The following RGS6 variants were observed in gnomAD, a reference collection of about 807,000 sequenced individuals.
The protein encoded by RGS6 is regulator of G protein signaling 6, also known as regulator of G-protein signaling 6.
In RGS6, 30 loss-of-function variants were observed where a neutral mutation model predicts 78.5. That is an observed-to-expected ratio of 0.38 (90% confidence interval 0.29 to 0.52). The LOEUF (loss-of-function observed/expected upper bound fraction) is 0.52. RGS6 is among the 20% of genes least tolerant of loss of function. The probability of loss-of-function intolerance (pLI) is 0.85; values close to 1 mark genes in which losing one functional copy is unlikely to be tolerated. For missense variants in RGS6, 495 were observed against 609.7 expected (o/e 0.81, Z 1.98); for synonymous variants, 206 against 206.0 (o/e 1.00, Z 0.00).
chr14:72,005,628 A>T (rs996955652), intron 2 of RGS6, among the ~76,000 whole-genome samples: 1 of 152,128 alleles, frequency 6.6e-6, no homozygotes, highest in Non-Finnish European at 1.5e-5. Context: ...TATAATGAGA[A>T]ATGTTTTAAA....
rs143775957 is a variant in RGS6 at position 72,313,952 on chromosome 14, C to T, written c.85-38143C>T. ...TTTTCAGCCACTTTCACTAAATCAA[C>T]CAACCAAACCTTTTCTGTGCCCTTA... On this transcript the variant is annotated intron_variant, in intron 2 of 17. Coordinates refer to ENST00000553525, the MANE Select transcript of RGS6 (RefSeq NM_001204424.2). Among the ~76,000 whole-genome samples the T allele has an allele frequency of 3.2e-3, 484 of 152,288 alleles. 9 individuals carry two copies. The South Asian group carries it at 0.033, about 10-fold the overall frequency.
intron 2 of RGS6, among the ~76,000 whole-genome samples, chr14:72,208,973 C>A (rs1373919792): frequency 6.6e-6 from 1 of 151,494 alleles, no homozygotes; most frequent in Non-Finnish European, 1.5e-5. Flanking sequence ...GAACAAAAGT[C>A]AGATGTGGTG....
intron 2 of RGS6, among the ~76,000 whole-genome samples, chr14:71,969,380 A>G (rs2093682832): frequency 6.6e-6 from 1 of 152,204 alleles, no homozygotes; most frequent in Non-Finnish European, 1.5e-5. Context: ...TTTGGTGTTA[A>G]CAATGCCTCT....
At chr14:72,042,529 A>G (rs1418017828) in intron 2 of RGS6, among the ~76,000 whole-genome samples, 2 of 152,154 alleles carry the variant, frequency 1.3e-5, no homozygotes, top group South Asian at 2.1e-4. Context: ...TTAACATTTT[A>G]TAGTATTTTC....
intron 1 of RGS6, among the ~76,000 whole-genome samples, chr14:71,950,965 T>C (rs1195554526): frequency 4.6e-5 from 7 of 152,150 alleles, no homozygotes; most frequent in Admixed American, 2.6e-4. Flanking sequence ...GGTGGGAGTG[T>C]AAATTGGATC....
intron 2 of RGS6, among the ~76,000 whole-genome samples, chr14:72,183,726 A>T (rs995881715): frequency 2.6e-5 from 4 of 152,196 alleles, no homozygotes; most frequent in Non-Finnish European, 5.9e-5. Flanking sequence ...AGAAGAAAAT[A>T]AAATAAATAC....
chr14:72,323,380 T>G (rs1166912569), intron 2 of RGS6, among the ~76,000 whole-genome samples: 2 of 151,904 alleles, frequency 1.3e-5, no homozygotes, highest in Non-Finnish European at 2.9e-5. Context: ...AAAGGCATAC[T>G]CTGTTTAACA....
intron 2 of RGS6, among the ~76,000 whole-genome samples, chr14:72,327,822 A>C (rs1313405019): frequency 6.6e-6 from 1 of 152,224 alleles, no homozygotes; most frequent in East Asian, 1.9e-4. Context: ...AATGGGAATA[A>C]CTATTTAATA....
chr14:72,255,762 G>A (rs1373068163), intron 2 of RGS6, among the ~76,000 whole-genome samples: 3 of 152,146 alleles, frequency 2.0e-5, no homozygotes, highest in African/African-American at 4.8e-5. Flanking sequence ...AAGAGCATTT[G>A]CTTATTTGGA....
intron 2 of RGS6, among the ~76,000 whole-genome samples, chr14:72,267,092 C>T (rs575925842): frequency 7.9e-5 from 12 of 152,166 alleles, no homozygotes; most frequent in African/African-American, 2.4e-5. Flanking sequence ...ACCTCTGCCT[C>T]ACTAGTTCAA....
the RGS6 span, chr14:72,619,853 G>A: frequency 7.0e-7 from 1 of 1,421,124 alleles, no homozygotes; most frequent in Non-Finnish European, 9.4e-7. Flanking sequence ...GTAAGTGCTA[G>A]TAGTAGTAGT....
chr14:72,488,755 C>G (rs914576677), intron 12 of RGS6, among the ~76,000 whole-genome samples: 3 of 152,176 alleles, frequency 2.0e-5, no homozygotes, highest in African/African-American at 7.2e-5. Context: ...CCTATTGTCC[C>G]CTCAGCCCAG....
chr14:72,425,284 A>G (rs1251134219), intron 3 of RGS6, among the ~76,000 whole-genome samples: 1 of 152,068 alleles, frequency 6.6e-6, no homozygotes, highest in African/African-American at 2.4e-5. Flanking sequence ...GACTACAGAT[A>G]CACATTGCCA....
intron 17 of RGS6, chr14:72,540,803 G>T (rs2097315205): frequency 1.0e-6 from 1 of 985,304 alleles, no homozygotes; most frequent in Non-Finnish European, 1.2e-6. Flanking sequence ...CTAACAGGCT[G>T]GGTAAAGATG....
At chr14:72,268,692 G>A (rs2059448644) in intron 2 of RGS6, among the ~76,000 whole-genome samples, 1 of 152,204 alleles carries the variant, frequency 6.6e-6, no homozygotes, top group Admixed American at 6.5e-5. Context: ...TGCTGGGAGA[G>A]AGAAAGAGAC....
chr14:72,431,426 C>T (rs1016519491), intron 3 of RGS6, among the ~76,000 whole-genome samples: 2 of 152,204 alleles, frequency 1.3e-5, no homozygotes, highest in South Asian at 2.1e-4. Flanking sequence ...GATCTTGGCT[C>T]ACTGCAACCT....
At chr14:72,202,352 G>T (rs2041757087) in intron 2 of RGS6, among the ~76,000 whole-genome samples, 1 of 152,118 alleles carries the variant, frequency 6.6e-6, no homozygotes, top group Non-Finnish European at 1.5e-5. Flanking sequence ...CAGAGAACAA[G>T]AGCATATATA....
the RGS6 span, among the ~76,000 whole-genome samples, chr14:72,620,332 G>GA: frequency 6.6e-6 from 1 of 152,188 alleles, no homozygotes; most frequent in African/African-American, 2.4e-5. Flanking sequence ...CCAAAGGGCA[G>GA]AAAATGTCTC....
intron 2 of RGS6, chr14:71,990,904 G>A: frequency 4.4e-6 from 2 of 454,314 alleles, no homozygotes; most frequent in Non-Finnish European, 8.9e-6. Context: ...GCTTGGTGTA[G>A]CATCCTCCAC....
Sources: gnomAD v4.1 joint callset for allele counts (sites outside exome capture counted in the v4.1 genomes callset) on GRCh38, gnomAD v4.1.1 for gene constraint, MANE v1.5 for transcripts, NCBI Gene and HGNC (gene_info 2026-07-23, HGNC 2026-07-21) for gene names.